Variants in CDH8 observed in about 807,000 individuals in gnomAD.
CDH8 encodes the protein cadherin-8.
A neutral mutation model predicts 68.1 loss-of-function variants in CDH8; 17 were observed. The observed-to-expected ratio is 0.25, with a 90% CI of 0.17 to 0.37. The LOEUF is 0.37. Among genes scored for constraint, CDH8 ranks in the 10% least tolerant of loss-of-function variants. The pLI is 1.00. For missense variants in CDH8, 763 were observed against 999.3 expected (o/e 0.76, Z 3.19); for synonymous variants, 372 against 365.1 (o/e 1.02, Z -0.21).
chr16:61,653,220 T>TA lies in CDH8; in HGVS notation c.*387dup. 3 of 1,198,430 alleles carry TA rather than the reference T, an allele frequency of 2.5e-6. No individual in the cohort carries two copies. The highest frequency in any genetic ancestry group is 3.1e-6 in the Non-Finnish European group (3 of 968,556). The allele number at this position is 1,198,430 out of a possible 1,614,324, so 74.2% of individuals were successfully genotyped here. On this transcript the variant is annotated 3_prime_UTR_variant, in exon 12 of 12. Transcript: ENST00000577390. ...CATAAAAATCCTTGCAGAAGACACATATCAGCAGCAGATTCCTTGCAGGTC... is the reference window on the plus strand; with the variant it reads ...CATAAAAATCCTTGCAGAAGACACATAATCAGCAGCAGATTCCTTGCAGGTC...
intron 4 of CDH8, among the ~76,000 whole-genome samples, chr16:61,840,004 G>A (rs537526366): frequency 6.6e-6 from 1 of 152,072 alleles, no homozygotes; most frequent in South Asian, 2.1e-4. Flanking sequence ...GTCAAAATTT[G>A]CCAAGACTTT....
Position 62,030,494 on chromosome 16 carries a change from C to T in CDH8, c.-200+5586G>A, listed in dbSNP as rs561682846. ...ACTAATAAAGAAGAAAATGTGCCTT[C>T]GTACTTTATAAATCAAATTTTGGAG... On this transcript the variant is annotated intron_variant, in intron 1 of 11. Transcript: ENST00000577390. Among the ~76,000 whole-genome samples the T allele has an allele frequency of 9.6e-4, 146 of 151,966 alleles. 1 individual carries two copies. The highest frequency in any genetic ancestry group is 3.1e-3 in the African/African-American group (130 of 41,470).
chr16:61,837,068 A>G (rs28555294), intron 4 of CDH8, among the ~76,000 whole-genome samples: 7 of 151,790 alleles, frequency 4.6e-5, no homozygotes, highest in Admixed American at 3.9e-4. Flanking sequence ...TTGGGGGTGC[A>G]GGCTCTCTTT....
intron 2 of CDH8, among the ~76,000 whole-genome samples, chr16:61,905,476 G>A (rs1043772047): frequency 2.0e-5 from 3 of 151,604 alleles, no homozygotes; most frequent in Admixed American, 6.6e-5. Flanking sequence ...TTAATGTATT[G>A]ACTATTTATT....
At chr16:61,812,593 A>G (rs1961977036) in intron 7 of CDH8, among the ~76,000 whole-genome samples, 1 of 152,236 alleles carries the variant, frequency 6.6e-6, no homozygotes, top group Admixed American at 6.5e-5. Context: ...AAAGGAAAAA[A>G]AAAATGGCCC....
intron 4 of CDH8, among the ~76,000 whole-genome samples, chr16:61,832,467 T>C (rs1674293328): frequency 6.6e-6 from 1 of 151,762 alleles, no homozygotes. Flanking sequence ...CTGTATCTCC[T>C]CTTATACATT....
rs1428195618 is a variant in CDH8 at position 61,651,797 on chromosome 16, T to C, written c.*1811A>G. On this transcript the variant is annotated 3_prime_UTR_variant, in exon 12 of 12. Transcript: ENST00000577390. Reference sequence around the variant, plus strand: ...CAAATGACACAGCTGGACTAGCCTTTAGGTGTTCCATGTTCCTCTTATGTC... The same window carrying C: ...CAAATGACACAGCTGGACTAGCCTTCAGGTGTTCCATGTTCCTCTTATGTC... 1 of 152,318 alleles carries C rather than the reference T, an allele frequency of 6.6e-6. No individual in the cohort carries two copies. The highest frequency in any genetic ancestry group is 1.5e-5 in the Non-Finnish European group (1 of 68,144). 9.4% of individuals were successfully genotyped at this position (152,318 alleles called of 1,614,324 possible).
At chr16:61,709,852 A>G (rs1028497704) in intron 10 of CDH8, among the ~76,000 whole-genome samples, 4 of 151,960 alleles carry the variant, frequency 2.6e-5, no homozygotes, top group Non-Finnish European at 5.9e-5. Flanking sequence ...TATTTTGTCT[A>G]TTTTAATACC....
intron 2 of CDH8, among the ~76,000 whole-genome samples, chr16:61,902,678 C>T (rs369142154): frequency 6.6e-6 from 1 of 151,230 alleles, no homozygotes; most frequent in African/African-American, 2.4e-5. Context: ...GCCTCTTTCA[C>T]GTTCTTCAAC....
intron 10 of CDH8, among the ~76,000 whole-genome samples, chr16:61,678,526 A>T (rs539574538): frequency 2.0e-5 from 3 of 149,094 alleles, no homozygotes; most frequent in African/African-American, 7.5e-5. Flanking sequence ...GCACATGTTA[A>T]TACCTTCTCT....
intron 2 of CDH8, among the ~76,000 whole-genome samples, chr16:61,986,135 G>A (rs2150585903): frequency 6.6e-6 from 1 of 151,536 alleles, no homozygotes; most frequent in African/African-American, 2.4e-5. Flanking sequence ...TGTTGGCCAG[G>A]CTGGTCTTGA....
At chr16:61,972,974 A>G (rs145707479) in intron 2 of CDH8, among the ~76,000 whole-genome samples, 89 of 152,350 alleles carry the variant, frequency 5.8e-4, no homozygotes, top group Non-Finnish European at 5.7e-4. Flanking sequence ...ACTTTCTCCA[A>G]GTAACAGAAA....
rs553317125 is a variant in CDH8 at position 61,697,201 on chromosome 16, G to A, written c.1654+16640C>T. 9.9e-5 allele frequency among the ~76,000 whole-genome samples: 15 copies of A among 152,208 alleles called. No individual in the cohort carries two copies. The East Asian group carries it at 2.5e-3, about 26-fold the overall frequency. ...TGATGCTTTTCTGAAAATAAGACAA[G>A]GGAGCCCTCACTGGGATTATTATCT... is the stretch of plus-strand genomic sequence containing the variant. On this transcript the variant is annotated intron_variant, in intron 10 of 11. Transcript: ENST00000577390.
chr16:61,833,378 T>C (rs1962503636), intron 4 of CDH8, among the ~76,000 whole-genome samples: 1 of 151,806 alleles, frequency 6.6e-6, no homozygotes, highest in South Asian at 2.1e-4. Context: ...TGTTTTCTAC[T>C]TAGGCTTTAT....
chr16:62,011,375 T>C (rs1328110366), intron 2 of CDH8, among the ~76,000 whole-genome samples: 1 of 152,202 alleles, frequency 6.6e-6, no homozygotes, highest in Non-Finnish European at 1.5e-5. Context: ...CACCATCACC[T>C]GCAATGTGGA....
At chr16:61,940,071 A>G (rs1169475420) in intron 2 of CDH8, among the ~76,000 whole-genome samples, 1 of 152,212 alleles carries the variant, frequency 6.6e-6, no homozygotes, top group Admixed American at 6.5e-5. Flanking sequence ...TACCACATCA[A>G]AAATAATCAA....
chr16:61,976,903 T>G (rs969049461), intron 2 of CDH8, among the ~76,000 whole-genome samples: 1 of 152,088 alleles, frequency 6.6e-6, no homozygotes, highest in Non-Finnish European at 1.5e-5. Flanking sequence ...CAAACACAAC[T>G]AAAAAATGCA....
intron 8 of CDH8, among the ~76,000 whole-genome samples, chr16:61,763,378 C>A (rs28505993): frequency 9.2e-5 from 14 of 151,992 alleles, no homozygotes; most frequent in African/African-American, 3.4e-4. Context: ...ATCTACCACC[C>A]TAGGATTTTC....
chr16:61,678,225 C>T (rs968742581), intron 10 of CDH8, among the ~76,000 whole-genome samples: 1 of 152,060 alleles, frequency 6.6e-6, no homozygotes, highest in African/African-American at 2.4e-5. Flanking sequence ...TCTCATGTCT[C>T]TCTAAAATGT....
Sources: gnomAD v4.1 joint callset for allele counts (sites outside exome capture counted in the v4.1 genomes callset) on GRCh38, gnomAD v4.1.1 for gene constraint, MANE v1.5 for transcripts, NCBI Gene and HGNC (gene_info 2026-07-23, HGNC 2026-07-21) for gene names.